CHMP3: variants seen among roughly 807,000 people sequenced by gnomAD.
The protein encoded by CHMP3 is 25.1 protein.
In CHMP3, 8 loss-of-function variants were observed where a neutral mutation model predicts 27.4. The ratio of observed to expected loss-of-function variants is 0.29; its 90% CI spans 0.17 to 0.53. The LOEUF is 0.53. Ranked by LOEUF, CHMP3 falls within the 20% of genes least tolerant of loss-of-function variation. CHMP3 has a pLI of 0.96. For missense variants in CHMP3, 208 were observed against 271.5 expected (o/e 0.77, Z 1.64); for synonymous variants, 86 against 85.5 (o/e 1.01, Z -0.03).
intron 4 of CHMP3, among the ~76,000 whole-genome samples, chr2:86,508,140 AAAATCTGATCACCCAC>A (rs1490408060): frequency 6.6e-6 from 1 of 152,218 alleles, no homozygotes; most frequent in African/African-American, 2.4e-5. Context: ...TCAATTAACC[AAAATCTGATCACCCAC>A]TCCTGGGAGA....
intron 2 of CHMP3, among the ~76,000 whole-genome samples, chr2:86,534,594 T>C (rs1442627564): frequency 4.6e-5 from 7 of 152,238 alleles, no homozygotes; most frequent in Non-Finnish European, 7.3e-5. Flanking sequence ...GGAAGAACTA[T>C]TTCTGTCTTC....
At chr2:86,531,239 G>A (rs1675905795) in intron 2 of CHMP3, among the ~76,000 whole-genome samples, 1 of 151,968 alleles carries the variant, frequency 6.6e-6, no homozygotes, top group African/African-American at 2.4e-5. Context: ...AAACACCTGG[G>A]CTCAAGCAAT....
In CHMP3 at chr2:86,505,049, C is replaced by T. The variant is rs936635213; in HGVS notation, c.*755G>A. 2 of 152,268 alleles carry T rather than the reference C, an allele frequency of 1.3e-5. No individual in the cohort carries two copies. Among genetic ancestry groups the T allele is most frequent in the Non-Finnish European group, 2.9e-5 (2 of 68,068 alleles). 9.4% of individuals were successfully genotyped at this position (152,268 alleles called of 1,614,324 possible). Reference sequence around the variant, plus strand: ...CAGATAGGAAGGCCCATGTCCCACGCACAAGACAACCAGCTCGAAGCAGGG... The same window carrying T: ...CAGATAGGAAGGCCCATGTCCCACGTACAAGACAACCAGCTCGAAGCAGGG... On this transcript the variant is annotated 3_prime_UTR_variant, in exon 6 of 6. Transcript: ENST00000263856.
At chr2:86,515,030 T>A (rs187289697) in intron 3 of CHMP3, among the ~76,000 whole-genome samples, 2 of 152,138 alleles carry the variant, frequency 1.3e-5, no homozygotes, top group African/African-American at 2.4e-5. Context: ...CAGCATTTCA[T>A]TGGTCACAGC....
chr2:86,544,117 G>C (rs1287116985), intron 1 of CHMP3, among the ~76,000 whole-genome samples: 2 of 152,190 alleles, frequency 1.3e-5, no homozygotes, highest in African/African-American at 4.8e-5. Flanking sequence ...CCATGTTGTA[G>C]CCTGTATCAG....
rs72932383 is a variant in CHMP3 at position 86,556,661 on chromosome 2, G to T, written c.45+6643C>A. On this transcript the variant is annotated intron_variant, in intron 1 of 5. Transcript: ENST00000263856. ...CATCCGCCAGCAGGACTGCTCTCTC[G>T]GGGAAGGCGGGGAGGGACCATGTTA... Among the ~76,000 whole-genome samples, 598 of 152,166 alleles carry T rather than the reference G, an allele frequency of 3.9e-3. 5 individuals carry two copies. Among genetic ancestry groups the T allele is most frequent in the African/African-American group, 0.014 (567 of 41,460 alleles).
intron 3 of CHMP3, among the ~76,000 whole-genome samples, chr2:86,527,834 A>C (rs1675775489): frequency 6.6e-6 from 1 of 151,982 alleles, no homozygotes; most frequent in African/African-American, 2.4e-5. Context: ...AGTGGTGGGC[A>C]CCTGTAATCC....
intron 1 of CHMP3, among the ~76,000 whole-genome samples, chr2:86,545,543 C>T (rs1161668787): frequency 1.0e-5 from 1 of 96,348 alleles, no homozygotes; most frequent in Non-Finnish European, 2.1e-5. Flanking sequence ...CCAGACGGGG[C>T]GACTGCCGGG....
intron 3 of CHMP3, chr2:86,511,259 G>A (rs1192801870): frequency 2.6e-5 from 4 of 152,104 alleles, no homozygotes; most frequent in African/African-American, 9.7e-5. Flanking sequence ...TTTACTTCTG[G>A]TGGAATCCAG....
At position 86,505,839 on chromosome 2, in the gene CHMP3, C is replaced by T; in HGVS notation, c.634G>A (p.Ala212Thr). The change falls in exon 6 of 6, where the codon GCC becomes ACC. Residue 212 changes from alanine (A) to threonine (T), a missense_variant. Transcript: ENST00000263856. ...DEEEEEEALEAMQSRLATLRS is the reference protein window; with the variant it reads ...DEEEEEEALETMQSRLATLRS ...AGTGTGGCCAGCCGGGACTGCATGG[C>T]CTCCAGAGCCTCTTCCTCCTCCTCC... 2 of 1,599,130 alleles carry T rather than the reference C, an allele frequency of 1.3e-6. No individual in the cohort carries two copies. Among genetic ancestry groups the T allele is most frequent in the Non-Finnish European group, 1.7e-6 (2 of 1,172,536 alleles).
intron 2 of CHMP3, among the ~76,000 whole-genome samples, chr2:86,529,948 T>C (rs940104202): frequency 6.6e-6 from 1 of 152,202 alleles, no homozygotes; most frequent in Non-Finnish European, 1.5e-5. Context: ...TAAAGTAACA[T>C]TCACATTGTT....
chr2:86,554,369 G>A (rs565515038), intron 1 of CHMP3, among the ~76,000 whole-genome samples: 20 of 152,206 alleles, frequency 1.3e-4, no homozygotes, highest in African/African-American at 2.6e-4. Context: ...TTTCATAGGT[G>A]TTCTATTTCA....
chr2:86,548,663 G>A (rs773894679), intron 1 of CHMP3, among the ~76,000 whole-genome samples: 6 of 151,882 alleles, frequency 4.0e-5, no homozygotes, highest in Admixed American at 6.6e-5. Flanking sequence ...CAACAAAACC[G>A]CCATCGTCAT....
chr2:86,548,179 CTTTTTTT>C (rs55949258), intron 1 of CHMP3, among the ~76,000 whole-genome samples: 2 of 116,072 alleles, frequency 1.7e-5, no homozygotes, highest in South Asian at 3.1e-4. Flanking sequence ...GAGGAGTTCT[CTTTTTTT>C]TTTTTTTTTT....
chr2:86,517,603 T>C (rs1675364572), intron 3 of CHMP3, among the ~76,000 whole-genome samples: 1 of 149,218 alleles, frequency 6.7e-6, no homozygotes, highest in African/African-American at 2.5e-5. Flanking sequence ...TCATAATCAG[T>C]AGATGTGGAA....
chr2:86,505,987 T>C, intron 5 of CHMP3, 38 bp from the exon 6 acceptor site: 1 of 1,488,240 alleles, frequency 6.7e-7, no homozygotes, highest in Non-Finnish European at 9.0e-7. Flanking sequence ...CACATTGGCT[T>C]AAGGAAGCAG....
At chr2:86,523,159 T>C (rs1057120644) in intron 3 of CHMP3, among the ~76,000 whole-genome samples, 3 of 152,180 alleles carry the variant, frequency 2.0e-5, no homozygotes, top group African/African-American at 7.2e-5. Flanking sequence ...TCCCTCCCAC[T>C]TGCTCGGTAC....
chr2:86,551,840 C>A (rs565581324), intron 1 of CHMP3, among the ~76,000 whole-genome samples: 1 of 152,182 alleles, frequency 6.6e-6, no homozygotes, highest in African/African-American at 2.4e-5. Flanking sequence ...AGTCTATAAA[C>A]ACCTTCATGA....
chr2:86,510,274 A>AAACCAAACCCC, intron 4 of CHMP3, 84 bp downstream of exon 4: 2 of 664,028 alleles, frequency 3.0e-6, no homozygotes, highest in Non-Finnish European at 5.1e-6. Context: ...GTTCATCCCC[A>AAACCAAACCCC]CCCACCCTCA....
Sources: gnomAD v4.1 joint callset for allele counts (sites outside exome capture counted in the v4.1 genomes callset) on GRCh38, gnomAD v4.1.1 for gene constraint, MANE v1.5 for transcripts, NCBI Gene and HGNC (gene_info 2026-07-23, HGNC 2026-07-21) for gene names.